Variants in DNAJC6 observed in about 807,000 individuals in gnomAD.
The protein encoded by DNAJC6 is DnaJ heat shock protein family (Hsp40) member C6, also known as auxilin.
In DNAJC6, 34 loss-of-function variants were observed where a neutral mutation model predicts 110.0. The observed-to-expected ratio is 0.31, with a 90% CI of 0.24 to 0.41. DNAJC6 has a LOEUF of 0.41. Among genes scored for constraint, DNAJC6 ranks in the 10% least tolerant of loss-of-function variants. The pLI is 1.00. For synonymous variants in DNAJC6, 406 were observed against 437.2 expected (o/e 0.93, Z 0.89); for missense variants, 1,031 against 1,207.8 (o/e 0.85, Z 2.17).
At chr1:65,345,229 CGTGT>C (rs55934054) in intron 1 of DNAJC6, among the ~76,000 whole-genome samples, 2,864 of 143,518 alleles carry the variant, frequency 0.02, 21 homozygotes, top group South Asian at 0.026. Context: ...CTCTCCCTTT[CGTGT>C]GTGTGTGTGT....
intron 5 of DNAJC6, among the ~76,000 whole-genome samples, chr1:65,381,548 C>CAA (rs35401253): frequency 6.8e-5 from 8 of 118,070 alleles, no homozygotes; most frequent in Non-Finnish European, 9.1e-5. Context: ...GATTCCCTCT[C>CAA]AAAAAAAAAA....
chr1:65,354,146 T>C (rs1645520308), intron 1 of DNAJC6, among the ~76,000 whole-genome samples: 1 of 152,144 alleles, frequency 6.6e-6, no homozygotes, highest in Admixed American at 6.5e-5. Flanking sequence ...GGAGGTAGAC[T>C]CATTCACAAG....
At chr1:65,274,912 G>A (rs138671667) in intron 1 of DNAJC6, among the ~76,000 whole-genome samples, 4 of 152,076 alleles carry the variant, frequency 2.6e-5, no homozygotes, top group Non-Finnish European at 4.4e-5. Flanking sequence ...GTGTATGTGC[G>A]TGTGTGTGCC....
At position 65,283,943 on chromosome 1, in the gene DNAJC6, G is replaced by A. The variant is rs150009801; in HGVS notation, c.-131+19011G>A. Among the ~76,000 whole-genome samples the A allele has an allele frequency of 3.7e-3, 563 of 152,170 alleles. 3 individuals are homozygous for A. Among genetic ancestry groups the A allele is most frequent in the African/African-American group, 0.013 (531 of 41,518 alleles). On this transcript the variant is annotated intron_variant, in intron 1 of 19. Coordinates refer to the DNAJC6 transcript ENST00000263441. The stretch of plus-strand genomic sequence containing the variant: ...TCAGCTTCCCAACTCTCAGTGGCCT[G>A]GTCTGTGATTTCCATAGGCCTCTAT...
intron 5 of DNAJC6, among the ~76,000 whole-genome samples, chr1:65,380,921 G>GTTTTTTTT (rs1162044500): frequency 5.0e-5 from 5 of 99,358 alleles, no homozygotes; most frequent in African/African-American, 5.4e-5. Flanking sequence ...GTTTTGTTTT[G>GTTTTTTTT]TTTTTTTTTT....
Position 65,365,996 on chromosome 1 carries a change from T to C in DNAJC6, c.395-52T>C, listed in dbSNP as rs377710491. On this transcript the variant is annotated intron_variant, in intron 3 of 18. Coordinates refer to ENST00000371069, the MANE Select transcript of DNAJC6 (RefSeq NM_001256864.2). Reference sequence around the variant, plus strand: ...AGTTTCCCGTTGCTGCCCATCGTTATAGCAGACGTAAACATTTAACCTGTT... The same window carrying C: ...AGTTTCCCGTTGCTGCCCATCGTTACAGCAGACGTAAACATTTAACCTGTT... 8.7e-6 allele frequency: 14 copies of C among 1,612,930 alleles called. No individual in the cohort carries two copies. The African/African-American group carries it at 1.7e-4, about 20-fold the overall frequency.
rs564378326 is a variant in DNAJC6 at position 65,362,769 on chromosome 1, G to C, written c.194-1866G>C. ...GGCCTTAAAGCCCTACCTGGCCACTGTTCACATTAACCACCTCCTCTACAC... is the reference window on the plus strand; with the variant it reads ...GGCCTTAAAGCCCTACCTGGCCACTCTTCACATTAACCACCTCCTCTACAC... On this transcript the variant is annotated intron_variant, in intron 1 of 18. Transcript: ENST00000371069. Among the ~76,000 whole-genome samples, 3 of 151,626 alleles carry C rather than the reference G, an allele frequency of 2.0e-5. No individual in the cohort carries two copies. The East Asian group carries it at 5.8e-4, about 30-fold the overall frequency.
intron 1 of DNAJC6, among the ~76,000 whole-genome samples, chr1:65,353,693 A>G (rs1477958208): frequency 6.6e-6 from 1 of 152,198 alleles, no homozygotes; most frequent in Non-Finnish European, 1.5e-5. Context: ...CTTTTGGGAA[A>G]GAGGAGCTAG....
rs560007743 is a variant in DNAJC6, at chr1:65,385,779, A to G, written c.868A>G (p.Ile290Val). Residue 290 changes from isoleucine to valine, a missense_variant, in exon 7 of 19, where the codon ATT becomes GTT. Ile to Val is a conservative substitution (Grantham distance 29). Coordinates refer to ENST00000371069, the MANE Select transcript of DNAJC6 (RefSeq NM_001256864.2). ...PYRPHFKPLT[I>V]KSITVSPIPF... ...CCGCCCTCACTTCAAGCCTCTCACAATTAAGTCGATCACTGTCAGTCCAAT... is the reference window on the plus strand; with the variant it reads ...CCGCCCTCACTTCAAGCCTCTCACAGTTAAGTCGATCACTGTCAGTCCAAT... 6.2e-7 allele frequency: 1 copy of G among 1,614,152 alleles called. No individual in the cohort carries two copies. The highest frequency in any genetic ancestry group is 8.5e-7 in the Non-Finnish European group (1 of 1,179,990).
At position 65,378,093 on chromosome 1, in the gene DNAJC6, C is replaced by T. The variant is rs992243041; in HGVS notation, c.544-1309C>T. The stretch of plus-strand genomic sequence containing the variant: ...TGTCCAGGTGTCCCACCACCTATCT[C>T]CTGAGTCCCTCAAGTGTGTTTGTAC... On this transcript the variant is annotated intron_variant, in intron 4 of 18. Coordinates refer to ENST00000371069, the MANE Select transcript of DNAJC6 (RefSeq NM_001256864.2). Among the ~76,000 whole-genome samples, 4 of 147,758 alleles carry T rather than the reference C, an allele frequency of 2.7e-5. No homozygotes were observed. The South Asian group carries it at 8.7e-4, about 32-fold the overall frequency.
At position 65,408,436 on chromosome 1, in the gene DNAJC6, A is replaced by G. The variant is rs141647067; in HGVS notation, c.2492-205A>G. On this transcript the variant is annotated intron_variant, in intron 16 of 18. Transcript: ENST00000371069. ...CAGCCTCCAGTTTTAACCTTGCCAC[A>G]TATATGATTCTGGACAGGTTCATTT... 9.2e-5 allele frequency among the ~76,000 whole-genome samples: 14 copies of G among 152,294 alleles called. No individual in the cohort carries two copies. In the East Asian group the frequency reaches 2.3e-3, roughly 25 times the overall value.
chr1:65,287,956 C>G (rs1654076962), intron 1 of DNAJC6, among the ~76,000 whole-genome samples: 1 of 152,192 alleles, frequency 6.6e-6, no homozygotes, highest in Non-Finnish European at 1.5e-5. Context: ...GGGAAGAACA[C>G]TGGGGGTCTT....
chr1:65,362,993 T>C (rs1444504209), intron 1 of DNAJC6, among the ~76,000 whole-genome samples: 14 of 152,204 alleles, frequency 9.2e-5, no homozygotes, highest in Admixed American at 9.2e-4. Flanking sequence ...CAGTTCCACA[T>C]GGCTGTAGAG....
At chr1:65,347,757 A>G (rs868636749) in intron 1 of DNAJC6, among the ~76,000 whole-genome samples, 1 of 151,852 alleles carries the variant, frequency 6.6e-6, no homozygotes, top group South Asian at 2.1e-4. Context: ...GTGCACACAT[A>G]CACACACACA....
rs1448530766 is a variant in DNAJC6 at position 65,392,737 on chromosome 1, G to A, written c.1775G>A (p.Gly592Asp). 1 of 1,612,962 alleles carries A rather than the reference G, an allele frequency of 6.2e-7. No homozygotes were observed. The highest frequency in any genetic ancestry group is 8.5e-7 in the Non-Finnish European group (1 of 1,179,552). Reference sequence around the variant, plus strand: ...CTGTTTGGGGGTGGAGGTGCAGCTGGTCCCACCCAGGCTGGACAGTCAGGA... The same window carrying A: ...CTGTTTGGGGGTGGAGGTGCAGCTGATCCCACCCAGGCTGGACAGTCAGGA... ...SDLFGGGGAA[G>D]PTQAGQSGVE... Residue 592 changes from glycine (G) to aspartate (D), a missense_variant, in exon 12 of 19, where the codon GGT (glycine) becomes GAT (aspartate). Coordinates refer to ENST00000371069, the MANE Select transcript of DNAJC6 (RefSeq NM_001256864.2).
Position 65,280,850 on chromosome 1 carries a change from A to G in DNAJC6, c.-131+15918A>G, listed in dbSNP as rs373377543. Reference sequence around the variant, plus strand: ...CTGGGCTTTTCTGAGTGAGTGTTAGAGTTCTGTGGAGATGTTTTTTCATAT... The same window carrying G: ...CTGGGCTTTTCTGAGTGAGTGTTAGGGTTCTGTGGAGATGTTTTTTCATAT... On this transcript the variant is annotated intron_variant, in intron 1 of 19. Transcript: ENST00000263441. 3.6e-3 allele frequency among the ~76,000 whole-genome samples: 554 copies of G among 152,224 alleles called. 5 individuals are homozygous for G. Among genetic ancestry groups the G allele is most frequent in the African/African-American group, 0.013 (529 of 41,522 alleles).
chr1:65,361,171 A>G (rs1645593861), intron 1 of DNAJC6, among the ~76,000 whole-genome samples: 1 of 152,180 alleles, frequency 6.6e-6, no homozygotes, highest in Non-Finnish European at 1.5e-5. Flanking sequence ...AACTGGGGAT[A>G]ATAACCACTT....
chr1:65,325,448 G>A (rs901767872), intron 1 of DNAJC6, among the ~76,000 whole-genome samples: 3 of 152,188 alleles, frequency 2.0e-5, no homozygotes, highest in Non-Finnish European at 4.4e-5. Flanking sequence ...GCTTTAGGAT[G>A]GAGTTGAGAA....
At chr1:65,334,239 G>A (rs762333260) in intron 1 of DNAJC6, among the ~76,000 whole-genome samples, 66 of 152,336 alleles carry the variant, frequency 4.3e-4, no homozygotes, top group Non-Finnish European at 8.8e-4. Context: ...AAATCCTTAA[G>A]CTTGACAGCC....
Sources: gnomAD v4.1 joint callset for allele counts (sites outside exome capture counted in the v4.1 genomes callset) on GRCh38, gnomAD v4.1.1 for gene constraint, MANE v1.5 for transcripts, NCBI Gene and HGNC (gene_info 2026-07-23, HGNC 2026-07-21) for gene names.